GSDME: variants seen among roughly 807,000 people sequenced by gnomAD.
GSDME encodes gasdermin E.
Under a neutral mutation model 47.5 loss-of-function variants are expected in GSDME, and 44 were observed. The ratio of observed to expected loss-of-function variants is 0.93; its 90% CI spans 0.73 to 1.19. GSDME has a LOEUF of 1.19. GSDME is among the 50% of genes most tolerant of loss of function. The probability of loss-of-function intolerance (pLI) is 0.00; values close to 1 mark genes in which losing one functional copy is unlikely to be tolerated. For missense variants in GSDME, 663 were observed against 604.2 expected, an observed-to-expected ratio of 1.10 and a Z score of -1.02; for synonymous variants, 258 against 252.8, an observed-to-expected ratio of 1.02 and a Z score of -0.20.
chr7:24,774,323 CCCTCCCTCCCTCCCTT>C, the GSDME span, among the ~76,000 whole-genome samples: 3 of 89,266 alleles, frequency 3.4e-5, no homozygotes, highest in African/African-American at 1.4e-4. Context: ...CTTCCTTCTT[CCCTCCCTCCCTCCCTT>C]CCTCCCTCCC....
intron 2 of GSDME, among the ~76,000 whole-genome samples, chr7:24,748,058 T>C (rs1790724993): frequency 6.6e-6 from 1 of 151,832 alleles, no homozygotes; most frequent in Non-Finnish European, 1.5e-5. Context: ...TTGAAAATTG[T>C]ATTTAAAAAT....
rs373941083 is a variant in GSDME at position 24,721,796 on chromosome 7, G to A, written c.405-2578C>T. Among the ~76,000 whole-genome samples, 130 of 152,264 alleles carry A rather than the reference G, an allele frequency of 8.5e-4. 5 individuals are homozygous for A. In the South Asian group the frequency reaches 0.026, roughly 30 times the overall value. On this transcript the variant is annotated intron_variant, in intron 3 of 9. Coordinates refer to ENST00000645220, the MANE Select transcript of GSDME (RefSeq NM_001127453.2). The surrounding 1 kb of genome is among the most constrained non-coding windows in gnomAD (Gnocchi z 4.1). Reference sequence around the variant, plus strand: ...AATGGCTATATCCCATGTCCAGTGCGTTCCCAGGCTGAGGCCCCATGTGAT... The same window carrying A: ...AATGGCTATATCCCATGTCCAGTGCATTCCCAGGCTGAGGCCCCATGTGAT...
Position 24,757,354 on chromosome 7 carries a change from G to GCCCGGAGCGGAT in GSDME, c.-20+30_-20+41dup, listed in dbSNP as rs1250238922. On this transcript the variant is annotated intron_variant, in intron 1 of 9. Coordinates refer to ENST00000645220, the MANE Select transcript of GSDME (RefSeq NM_001127453.2). This position sits in a 1 kb window ranked among gnomAD's most constrained non-coding sequence, Gnocchi z 5.9. The stretch of plus-strand genomic sequence containing the variant: ...CAGACCAAAGAGGATCCGGAGTGGA[G>GCCCGGAGCGGAT]CCCGGAGCGGATCCCGCAGCCCGCG... 1.3e-5 allele frequency: 2 copies of GCCCGGAGCGGAT among 152,336 alleles called. No homozygotes were observed. Among genetic ancestry groups the GCCCGGAGCGGAT allele is most frequent in the African/African-American group, 4.8e-5 (2 of 41,456 alleles). 9.4% of individuals were successfully genotyped at this position (152,336 alleles called of 1,614,324 possible).
the GSDME span, among the ~76,000 whole-genome samples, chr7:24,765,390 C>T: frequency 6.6e-6 from 1 of 152,158 alleles, no homozygotes; most frequent in African/African-American, 2.4e-5. Flanking sequence ...ATTGTTTAGC[C>T]TAAAGCTCCC....
At chr7:24,780,299 G>A in the GSDME span, among the ~76,000 whole-genome samples, 63 of 152,318 alleles carry the variant, frequency 4.1e-4, no homozygotes, top group African/African-American at 1.3e-3. This position sits in a 1 kb window ranked among gnomAD's most constrained non-coding sequence, Gnocchi z 4.1. Flanking sequence ...AAAGGTCAGC[G>A]TATAAACCAG....
chr7:24,794,326 C>T, the GSDME span, among the ~76,000 whole-genome samples: 1 of 144,958 alleles, frequency 6.9e-6, no homozygotes, highest in African/African-American at 2.7e-5. Flanking sequence ...TTTCTCTCTG[C>T]TGGTCTTTCC....
At chr7:24,737,594 T>A (rs557664016) in intron 3 of GSDME, among the ~76,000 whole-genome samples, 34 of 152,112 alleles carry the variant, frequency 2.2e-4, no homozygotes, top group African/African-American at 7.9e-4. Flanking sequence ...ATACCAATCC[T>A]ACTCAAACTA....
At chr7:24,718,776 G>A (rs1373998281) in intron 4 of GSDME, among the ~76,000 whole-genome samples, 2 of 151,036 alleles carry the variant, frequency 1.3e-5, no homozygotes, top group African/African-American at 2.4e-5. Flanking sequence ...GCACCATAGG[G>A]AGAGCCCATC....
intron 5 of GSDME, among the ~76,000 whole-genome samples, chr7:24,713,029 AAAAG>A (rs555635908): frequency 7.2e-5 from 11 of 152,050 alleles, no homozygotes; most frequent in South Asian, 2.1e-4. Context: ...AAAAAAAAAA[AAAAG>A]GGAAAAGCAC....
rs535444356 is a variant in GSDME at position 24,756,578 on chromosome 7, G to T, written c.-20+818C>A. 2.7e-4 allele frequency among the ~76,000 whole-genome samples: 41 copies of T among 152,218 alleles called. No homozygotes were observed. Among genetic ancestry groups the T allele is most frequent in the Non-Finnish European group, 1.0e-4 (7 of 68,036 alleles). ...CTTGCCCCACCTGCCTGCGTCTCGAGGACAGCGACCGCAAGCCATCCATCC... is the reference window on the plus strand; with the variant it reads ...CTTGCCCCACCTGCCTGCGTCTCGATGACAGCGACCGCAAGCCATCCATCC... On this transcript the variant is annotated intron_variant, in intron 1 of 9. Coordinates refer to ENST00000645220, the MANE Select transcript of GSDME (RefSeq NM_001127453.2). This position sits in a 1 kb window ranked among gnomAD's most constrained non-coding sequence, Gnocchi z 4.2.
rs1357819532 is a variant in GSDME at position 24,726,184 on chromosome 7, C to T, written c.405-6966G>A. ...TAATGAAGCCGCCTCCTCTCCCAGCCTGAAGCTTTAATTTCCATTTTCTCT... is the reference window on the plus strand; with the variant it reads ...TAATGAAGCCGCCTCCTCTCCCAGCTTGAAGCTTTAATTTCCATTTTCTCT... On this transcript the variant is annotated intron_variant, in intron 3 of 9. Coordinates refer to ENST00000645220, the MANE Select transcript of GSDME (RefSeq NM_001127453.2). This position sits in a 1 kb window ranked among gnomAD's most constrained non-coding sequence, Gnocchi z 5.6. 6.6e-6 allele frequency among the ~76,000 whole-genome samples: 1 copy of T among 152,192 alleles called. No individual in the cohort carries two copies. The highest frequency in any genetic ancestry group is 1.9e-4 in the East Asian group (1 of 5,192).
rs1324117350 is a variant in GSDME at position 24,721,038 on chromosome 7, G to C, written c.405-1820C>G. On this transcript the variant is annotated intron_variant, in intron 3 of 9. Coordinates refer to ENST00000645220, the MANE Select transcript of GSDME (RefSeq NM_001127453.2). This position sits in a 1 kb window ranked among gnomAD's most constrained non-coding sequence, Gnocchi z 4.1. ...TGTGGTTCCTCATATGAAATATCTG[G>C]AACAGGCAAATTCATAATGACAGAA... Among the ~76,000 whole-genome samples, 2 of 152,202 alleles carry C rather than the reference G, an allele frequency of 1.3e-5. No homozygotes were observed. The highest frequency in any genetic ancestry group is 4.8e-5 in the African/African-American group (2 of 41,448).
At chr7:24,731,546 T>C (rs922276631) in intron 3 of GSDME, among the ~76,000 whole-genome samples, 5 of 152,248 alleles carry the variant, frequency 3.3e-5, no homozygotes, top group African/African-American at 1.2e-4. Context: ...TGTGGCTCCC[T>C]GTCTGGCTCT....
At chr7:24,763,874 A>T in the GSDME span, among the ~76,000 whole-genome samples, 5 of 152,368 alleles carry the variant, frequency 3.3e-5, no homozygotes, top group South Asian at 1.0e-3. This position sits in a 1 kb window ranked among gnomAD's most constrained non-coding sequence, Gnocchi z 4.3. Flanking sequence ...GGCCAAGCCC[A>T]GAGCTTTTGT....
At chr7:24,701,140 C>T (rs1037569542) in intron 9 of GSDME, among the ~76,000 whole-genome samples, 9 of 152,176 alleles carry the variant, frequency 5.9e-5, no homozygotes, top group South Asian at 2.1e-4. Context: ...GATTTTGTGC[C>T]GTTTTAAGTA....
chr7:24,766,214 T>TGTGTGTGTGCGC, the GSDME span, among the ~76,000 whole-genome samples: 40 of 151,402 alleles, frequency 2.6e-4, no homozygotes, highest in African/African-American at 8.7e-4. This position sits in a 1 kb window ranked among gnomAD's most constrained non-coding sequence, Gnocchi z 4.2. Context: ...TGTGTGTGTG[T>TGTGTGTGTGCGC]GCATGTTTGC....
Position 24,754,262 on chromosome 7 carries a change from C to T in GSDME, c.-20+3134G>A, listed in dbSNP as rs1038637361. Among the ~76,000 whole-genome samples the T allele has an allele frequency of 1.3e-5, 2 of 151,974 alleles. No homozygotes were observed. The highest frequency in any genetic ancestry group is 4.8e-5 in the African/African-American group (2 of 41,366). ...AGCACTTTGGGAGGCCGAGGTGGGG[C>T]GGATCACCTAGGTCAGGAGTTTGAA... is the stretch of plus-strand genomic sequence containing the variant. On this transcript the variant is annotated intron_variant, in intron 1 of 9. Coordinates refer to ENST00000645220, the MANE Select transcript of GSDME (RefSeq NM_001127453.2). This position sits in a 1 kb window ranked among gnomAD's most constrained non-coding sequence, Gnocchi z 5.0.
chr7:24,730,373 A>G (rs1292193991), intron 3 of GSDME, among the ~76,000 whole-genome samples: 1 of 152,274 alleles, frequency 6.6e-6, no homozygotes, highest in Non-Finnish European at 1.5e-5. Context: ...TCAATGGTAC[A>G]TAGAATAATG....
intron 8 of GSDME, chr7:24,703,333 GT>G (rs1156576741): frequency 3.8e-6 from 1 of 261,476 alleles, no homozygotes; most frequent in African/African-American, 2.2e-5. Context: ...GGAAAATGCA[GT>G]GTAGCTTTAT....
Sources: allele counts gnomAD v4.1 joint callset (sites outside exome capture counted in the v4.1 genomes callset), GRCh38; gene constraint gnomAD v4.1.1; non-coding constraint Gnocchi (gnomAD v3.1); transcripts MANE v1.5; gene names NCBI Gene and HGNC (gene_info 2026-07-23, HGNC 2026-07-21).